The following NEK11 variants were observed in gnomAD, a reference collection of about 807,000 sequenced individuals.
The protein encoded by NEK11 is serine/threonine-protein kinase Nek11.
In NEK11, 72 loss-of-function variants were observed where a neutral mutation model predicts 80.7. The ratio of observed to expected loss-of-function variants is 0.89; its 90% CI spans 0.74 to 1.08. NEK11 has a LOEUF of 1.08. Ranked by LOEUF, NEK11 falls within the 50% of genes least tolerant of loss-of-function variation. The probability of loss-of-function intolerance (pLI) is 0.00; values close to 1 mark genes in which losing one functional copy is unlikely to be tolerated. For missense variants in NEK11, 764 were observed against 763.6 expected, an observed-to-expected ratio of 1.00 and a Z score of -0.01; for synonymous variants, 251 against 260.7, an observed-to-expected ratio of 0.96 and a Z score of 0.36.
At chr3:131,152,599 C>A in intron 8 of NEK11, 32 bp from the exon 9 acceptor site, 2 of 1,607,356 alleles carry the variant, frequency 1.2e-6, no homozygotes, top group Non-Finnish European at 1.7e-6. Flanking sequence ...TTTAGTTTAC[C>A]TGAAAAATAA....
intron 14 of NEK11, among the ~76,000 whole-genome samples, chr3:131,216,927 A>T (rs72989881): frequency 0.049 from 7,392 of 152,252 alleles, 497 homozygotes; most frequent in African/African-American, 0.15. Flanking sequence ...CATGTGGAGT[A>T]ACAGCTTCTC....
At chr3:131,333,485 A>C (rs1208616393) in intron 17 of NEK11, among the ~76,000 whole-genome samples, 1 of 152,200 alleles carries the variant, frequency 6.6e-6, no homozygotes, top group African/African-American at 2.4e-5. Flanking sequence ...CATGGAAAGG[A>C]ACAACCGGTA....
chr3:131,072,636 G>A (rs2073603652), intron 3 of NEK11, among the ~76,000 whole-genome samples: 1 of 152,146 alleles, frequency 6.6e-6, no homozygotes, highest in Admixed American at 6.6e-5. Flanking sequence ...GATTTTAAGG[G>A]GAAGTTAGAA....
intron 3 of NEK11, among the ~76,000 whole-genome samples, chr3:131,051,936 A>G (rs1282493838): frequency 6.6e-6 from 1 of 152,184 alleles, no homozygotes; most frequent in Non-Finnish European, 1.5e-5. Flanking sequence ...TCAAAAGATC[A>G]AGTTTCGAGT....
At chr3:131,050,335 C>T (rs547239120) in intron 3 of NEK11, among the ~76,000 whole-genome samples, 18 of 152,314 alleles carry the variant, frequency 1.2e-4, no homozygotes, top group Non-Finnish European at 2.6e-4. Context: ...CCACAGAGAA[C>T]AGCCTTCTGA....
intron 17 of NEK11, among the ~76,000 whole-genome samples, chr3:131,343,609 G>A (rs533562284): frequency 1.1e-4 from 16 of 152,150 alleles, no homozygotes; most frequent in South Asian, 2.1e-4. Context: ...AGGCTTTTGC[G>A]TACATTCTCT....
chr3:131,128,957 G>A (rs1041305838), intron 5 of NEK11, among the ~76,000 whole-genome samples: 1 of 151,418 alleles, frequency 6.6e-6, no homozygotes, highest in Non-Finnish European at 1.5e-5. Context: ...ATCATCTTTG[G>A]TTAGGTGTCT....
intron 5 of NEK11, among the ~76,000 whole-genome samples, chr3:131,111,268 C>A (rs2080087732): frequency 6.6e-6 from 1 of 151,966 alleles, no homozygotes; most frequent in Non-Finnish European, 1.5e-5. Context: ...AATTTTTAAT[C>A]CTTTAATATT....
At chr3:131,208,452 T>A (rs2094509860) in intron 14 of NEK11, among the ~76,000 whole-genome samples, 1 of 152,210 alleles carries the variant, frequency 6.6e-6, no homozygotes, top group Non-Finnish European at 1.5e-5. Flanking sequence ...TGTGGGCTCT[T>A]TTTTGGTTCC....
In NEK11 at chr3:131,336,476, T is replaced by A. The variant is rs2097186363; in HGVS notation, c.1719-13081T>A. 3.9e-5 allele frequency among the ~76,000 whole-genome samples: 6 copies of A among 152,092 alleles called. 1 individual carries two copies. The South Asian group carries it at 8.4e-4, about 21-fold the overall frequency. On this transcript the variant is annotated intron_variant, in intron 17 of 17. Transcript: ENST00000383366. ...TTATACAAAAATTAATTCAAGATGGTTTAAAGACTTAAACATTAGACCTGA... is the reference window on the plus strand; with the variant it reads ...TTATACAAAAATTAATTCAAGATGGATTAAAGACTTAAACATTAGACCTGA...
chr3:131,218,975 G>A (rs902346539), intron 14 of NEK11, among the ~76,000 whole-genome samples: 1 of 152,170 alleles, frequency 6.6e-6, no homozygotes, highest in Admixed American at 6.5e-5. Context: ...CATTGTGGAA[G>A]ACAGTGTGGT....
chr3:131,162,596 G>A, intron 11 of NEK11, 69 bp downstream of exon 11: 3 of 1,579,640 alleles, frequency 1.9e-6, no homozygotes, highest in Admixed American at 1.9e-5. Context: ...AATTTACAGA[G>A]AAAAGCAAAA....
chr3:131,060,661 A>G (rs971294006), intron 3 of NEK11, among the ~76,000 whole-genome samples: 2 of 152,204 alleles, frequency 1.3e-5, no homozygotes, highest in Non-Finnish European at 2.9e-5. Context: ...TCTTGGGTAG[A>G]TATCATTCAT....
rs6765954 is a variant in NEK11 at position 131,152,499 on chromosome 3, T to G, written c.759T>G (p.Pro253=). 2.6e-3 allele frequency: 4,248 copies of G among 1,613,240 alleles called. 78 individuals carry two copies. In the African/African-American group the frequency reaches 0.047, roughly 18 times the overall value. ...TTGAAGGTGACACACCTTCTCTCCCTGAGAGATATCCAAAAGAACTAAATG... is the reference window on the plus strand; with the variant it reads ...TTGAAGGTGACACACCTTCTCTCCCGGAGAGATATCCAAAAGAACTAAATG... ...KIVEGDTPSL[P]ERYPKELNAI... Residue 253 remains proline, a synonymous_variant, in exon 8 of 18, where the codon CCT becomes CCG. Transcript: ENST00000383366.
intron 14 of NEK11, among the ~76,000 whole-genome samples, chr3:131,209,167 A>C (rs1042961525): frequency 6.6e-6 from 1 of 152,190 alleles, no homozygotes; most frequent in African/African-American, 2.4e-5. Context: ...GAGAGTTTTT[A>C]GCATGAAGGG....
In NEK11 at chr3:131,054,207, C is replaced by T. The variant is rs189962795; in HGVS notation, c.170+24329C>T. 1.8e-3 allele frequency among the ~76,000 whole-genome samples: 268 copies of T among 152,110 alleles called. 3 individuals are homozygous for T. Among genetic ancestry groups the T allele is most frequent in the Non-Finnish European group, 8.7e-4 (59 of 67,994 alleles). Reference sequence around the variant, plus strand: ...CTCTACAAAATATACAAAAATTAGCCGGGTGTGGTCCCAGCTACTCTGGGG... The same window carrying T: ...CTCTACAAAATATACAAAAATTAGCTGGGTGTGGTCCCAGCTACTCTGGGG... On this transcript the variant is annotated intron_variant, in intron 3 of 17. Transcript: ENST00000383366.
intron 4 of NEK11, chr3:131,092,937 T>C (rs2076936010): frequency 6.6e-6 from 1 of 152,244 alleles, no homozygotes; most frequent in Admixed American, 6.5e-5. Flanking sequence ...CAATTTCTCG[T>C]TAATCCATGG....
At chr3:131,162,996 G>A (rs1443881653) in intron 11 of NEK11, among the ~76,000 whole-genome samples, 3 of 152,218 alleles carry the variant, frequency 2.0e-5, no homozygotes, top group Non-Finnish European at 4.4e-5. Flanking sequence ...TCTGTCAAGT[G>A]AAGCATTTAG....
chr3:131,081,440 T>C (rs534342613), intron 4 of NEK11, among the ~76,000 whole-genome samples: 1 of 152,320 alleles, frequency 6.6e-6, no homozygotes, highest in Admixed American at 6.5e-5. Flanking sequence ...GCTGTGTATT[T>C]TACTGAGCCC....
Sources: gnomAD v4.1 joint callset for allele counts (sites outside exome capture counted in the v4.1 genomes callset) on GRCh38, gnomAD v4.1.1 for gene constraint, MANE v1.5 for transcripts, NCBI Gene and HGNC (gene_info 2026-07-23, HGNC 2026-07-21) for gene names.